Variants in CD4 observed in about 807,000 individuals in gnomAD.
The protein encoded by CD4 is CD4 molecule, also known as T-cell surface glycoprotein CD4.
Under a neutral mutation model 50.5 loss-of-function variants are expected in CD4, and 25 were observed. That is an observed-to-expected ratio of 0.49 (90% CI 0.36 to 0.69). The LOEUF is 0.69. Among genes scored for constraint, CD4 ranks in the 30% least tolerant of loss-of-function variants. The probability of loss-of-function intolerance (pLI) is 0.00; values close to 1 mark genes in which losing one functional copy is unlikely to be tolerated. For missense variants in CD4, 456 were observed against 548.5 expected (o/e 0.83, Z 1.68); for synonymous variants, 207 against 221.9 (o/e 0.93, Z 0.60).
In CD4 at chr12:6,800,180, G is replaced by A. The variant is rs960429527; in HGVS notation, c.42G>A (p.Leu14=). Residue 14 remains leucine (L), a synonymous_variant, in exon 2 of 10, where the codon CTG becomes CTA. Transcript: ENST00000011653. The part of the protein sequence containing the change: ...GVPFRHLLLV[L]QLALLPAATQ... Reference sequence around the variant, plus strand: ...CTTTTAGGCACTTGCTTCTGGTGCTGCAACTGGGTAAGTTCTCAGACCTGG... The same window carrying A: ...CTTTTAGGCACTTGCTTCTGGTGCTACAACTGGGTAAGTTCTCAGACCTGG... 6.2e-7 allele frequency: 1 copy of A among 1,612,360 alleles called. No individual in the cohort carries two copies. Among genetic ancestry groups the A allele is most frequent in the South Asian group, 1.1e-5 (1 of 90,980 alleles).
intron 1 of CD4, among the ~76,000 whole-genome samples, chr12:6,796,856 G>C (rs375259650): frequency 2.6e-4 from 40 of 152,164 alleles, no homozygotes; most frequent in African/African-American, 9.4e-4. Flanking sequence ...AAAATAAAAA[G>C]ATTTACAGTC....
At chr12:6,789,938 C>A (rs1478891111) in intron 1 of CD4, among the ~76,000 whole-genome samples, 1 of 152,036 alleles carries the variant, frequency 6.6e-6, no homozygotes, top group African/African-American at 2.4e-5. Flanking sequence ...ACCTAAATAG[C>A]AAGATCAGAG....
At chr12:6,791,060 G>A (rs907464369) in intron 1 of CD4, among the ~76,000 whole-genome samples, 4 of 152,150 alleles carry the variant, frequency 2.6e-5, no homozygotes, top group African/African-American at 4.8e-5. Flanking sequence ...AGAGACACTC[G>A]GGAGATGATT....
rs965153113 is a variant in CD4 at position 6,792,662 on chromosome 12, C to T, written c.-68+3000C>T. Among the ~76,000 whole-genome samples, 7 of 152,150 alleles carry T rather than the reference C, an allele frequency of 4.6e-5. No individual in the cohort carries two copies. The highest frequency in any genetic ancestry group is 1.7e-4 in the African/African-American group (7 of 41,438). On this transcript the variant is annotated intron_variant, in intron 1 of 9. Transcript: ENST00000011653. The surrounding 1 kb of genome is among the most constrained non-coding windows in gnomAD (Gnocchi z 4.1). ...ATCCACCCTGGGCTGCAGGCGTGCT[C>T]GGCAGGCTCCCCACAGATCAAAGCT...
At chr12:6,803,395 C>T (rs1942622517) in intron 3 of CD4, among the ~76,000 whole-genome samples, 2 of 151,948 alleles carry the variant, frequency 1.3e-5, no homozygotes, top group East Asian at 3.9e-4. Context: ...GTGATCTACC[C>T]ACCTTGGCCT....
At chr12:6,802,319 CTTT>C (rs575781462) in intron 3 of CD4, among the ~76,000 whole-genome samples, 1 of 141,038 alleles carries the variant, frequency 7.1e-6, no homozygotes, top group Non-Finnish European at 1.6e-5. Flanking sequence ...TTCTTCCAAT[CTTT>C]TTTTTTTTTT....
intron 5 of CD4, among the ~76,000 whole-genome samples, chr12:6,815,382 G>A (rs1009037854): frequency 2.0e-5 from 3 of 152,166 alleles, no homozygotes; most frequent in African/African-American, 7.2e-5. Flanking sequence ...CCCTGATGAT[G>A]TTCTATGTTG....
chr12:6,800,453 G>A lies in CD4; in HGVS notation c.196G>A (p.Gly66Ser). 1 of 1,613,526 alleles carries A rather than the reference G, an allele frequency of 6.2e-7. No individual in the cohort carries two copies. Residue 66 changes from glycine (G) to serine (S), a missense_variant, in exon 3 of 10, where the codon GGC (glycine) becomes AGC (serine). Physicochemically the swap from Gly to Ser is moderately conservative, Grantham distance 56 (BLOSUM62 0). Coordinates refer to ENST00000011653, the MANE Select transcript of CD4 (RefSeq NM_000616.5). ...SNQIKILGNQGSFLTKGPSKL... is the reference protein window; with the variant it reads ...SNQIKILGNQSSFLTKGPSKL... ...CCAGATAAAGATTCTGGGAAATCAG[G>A]GCTCCTTCTTAACTAAAGGTAGGGT...
At chr12:6,809,676 C>T (rs782009438) in intron 3 of CD4, among the ~76,000 whole-genome samples, 89 of 152,240 alleles carry the variant, frequency 5.8e-4, no homozygotes, top group African/African-American at 2.0e-3. Context: ...CCTTCCAAAG[C>T]CATGCTTTGC....
chr12:6,814,124 T>A lies in CD4; in HGVS notation c.215-18T>A, dbSNP rs1555117438. 1 of 1,610,886 alleles carries A rather than the reference T, an allele frequency of 6.2e-7. No homozygotes were observed. Among genetic ancestry groups the A allele is most frequent in the African/African-American group, 1.3e-5 (1 of 74,734 alleles). The stretch of plus-strand genomic sequence containing the variant: ...TCCAGGGCGCCTCAGTCCCCCCCCA[T>A]ATGTCTTCTGCTCCCAGGTCCATCC... On this transcript the variant is annotated intron_variant, in intron 3 of 9. Coordinates refer to ENST00000011653, the MANE Select transcript of CD4 (RefSeq NM_000616.5).
intron 1 of CD4, among the ~76,000 whole-genome samples, chr12:6,798,164 G>T (rs1942427294): frequency 6.6e-6 from 1 of 151,354 alleles, no homozygotes; most frequent in African/African-American, 2.4e-5. Context: ...CTGCCTGCAA[G>T]AACTTTTCTT....
chr12:6,814,331 T>C, intron 4 of CD4, 31 bp downstream of exon 4: 17 of 1,599,672 alleles, frequency 1.1e-5, no homozygotes, highest in Non-Finnish European at 1.4e-5. Context: ...TGAGGATACC[T>C]CCTGCCTGGT....
chr12:6,819,641 GC>G lies in CD4; in HGVS notation c.*315del. ...GATCCCAGGGGAGTGTTCAGGGCCA[GC>G]CCTGGCTGGCATGGAGGGTGAGGCT... On this transcript the variant is annotated 3_prime_UTR_variant, in exon 10 of 10. Transcript: ENST00000011653. 1 of 405,444 alleles carries G rather than the reference GC, an allele frequency of 2.5e-6. No homozygotes were observed. The highest frequency in any genetic ancestry group is 2.8e-5 in the South Asian group (1 of 35,450). 25.1% of individuals were successfully genotyped at this position (405,444 alleles called of 1,614,324 possible). A position where few individuals can be genotyped will look rare whatever the true frequency, so the allele number is the denominator to read the frequency against.
intron 1 of CD4, among the ~76,000 whole-genome samples, chr12:6,797,985 G>A (rs1016208951): frequency 1.3e-5 from 2 of 151,950 alleles, no homozygotes; most frequent in African/African-American, 2.4e-5. Context: ...GGGCTGGGGG[G>A]CTGTAAGGTC....
In CD4 at chr12:6,793,841, G is replaced by A. The variant is rs554997720; in HGVS notation, c.-68+4179G>A. Among the ~76,000 whole-genome samples, 8 of 151,484 alleles carry A rather than the reference G, an allele frequency of 5.3e-5. No individual in the cohort carries two copies. The South Asian group carries it at 8.4e-4, about 16-fold the overall frequency. On this transcript the variant is annotated intron_variant, in intron 1 of 9. Coordinates refer to ENST00000011653, the MANE Select transcript of CD4 (RefSeq NM_000616.5). ...ATTTTTTTGTATTTTTAGTAGACAC[G>A]GGGGTTTCATGATGTTGGCCAGGCT...
At chr12:6,819,201 C>T (rs897819888) in intron 9 of CD4, 98 bp from the exon 10 acceptor site, 68 of 1,239,352 alleles carry the variant, frequency 5.5e-5, no homozygotes, top group Non-Finnish European at 7.6e-5. Flanking sequence ...TGGAAAGCCA[C>T]TGGAGCTGTG....
At chr12:6,812,225 C>T (rs1942959371) in intron 3 of CD4, among the ~76,000 whole-genome samples, 1 of 152,070 alleles carries the variant, frequency 6.6e-6, no homozygotes, top group South Asian at 2.1e-4. Context: ...CATGGCAAAA[C>T]TTGTATCTAC....
chr12:6,811,625 T>C (rs1942941730), intron 3 of CD4, among the ~76,000 whole-genome samples: 1 of 150,918 alleles, frequency 6.6e-6, no homozygotes, highest in Non-Finnish European at 1.5e-5. Context: ...CCCAAGTAGC[T>C]GGGATTACAG....
chr12:6,809,072 C>A (rs868983544), intron 3 of CD4, among the ~76,000 whole-genome samples: 2 of 152,192 alleles, frequency 1.3e-5, no homozygotes, highest in African/African-American at 4.8e-5. Context: ...TTCCCAACTT[C>A]CTGATTTCTA....
Sources: gnomAD v4.1 joint callset for allele counts (sites outside exome capture counted in the v4.1 genomes callset) on GRCh38, gnomAD v4.1.1 for gene constraint, Gnocchi (gnomAD v3.1) non-coding constraint, MANE v1.5 for transcripts, NCBI Gene and HGNC (gene_info 2026-07-23, HGNC 2026-07-21) for gene names.